The following NCOA2 variants were observed in gnomAD, a reference collection of about 807,000 sequenced individuals.
NCOA2 encodes nuclear receptor coactivator 2, also known as class E basic helix-loop-helix protein 75.
NCOA2 carries 21 observed loss-of-function variants against 145.1 expected under a neutral mutation model. The observed-to-expected ratio is 0.14, with a 90% CI of 0.10 to 0.21. The LOEUF (loss-of-function observed/expected upper bound fraction) is 0.21, where lower values mean the gene tolerates loss of function less well. Ranked by LOEUF, NCOA2 falls within the 10% of genes least tolerant of loss-of-function variation. The pLI is 1.00. For synonymous variants in NCOA2, 619 were observed against 637.5 expected (o/e 0.97, Z 0.44); for missense variants, 1,472 against 1,837.6 (o/e 0.80, Z 3.64).
the NCOA2 span, among the ~76,000 whole-genome samples, chr8:70,428,018 T>A: frequency 6.6e-6 from 1 of 151,994 alleles, no homozygotes; most frequent in African/African-American, 2.4e-5. Flanking sequence ...AAGTCTAAAA[T>A]GTTTAAAATT....
chr8:70,444,014 G>C, the NCOA2 span, among the ~76,000 whole-genome samples: 5 of 152,096 alleles, frequency 3.3e-5, no homozygotes. Flanking sequence ...AATTGTCCTA[G>C]GCATTTATTC....
At chr8:70,196,443 C>T (rs868448558) in intron 4 of NCOA2, among the ~76,000 whole-genome samples, 1 of 152,078 alleles carries the variant, frequency 6.6e-6, no homozygotes, top group Non-Finnish European at 1.5e-5. Flanking sequence ...GGATATACAT[C>T]GGCGATGAAA....
At chr8:70,344,500 T>C (rs572329262) in intron 1 of NCOA2, among the ~76,000 whole-genome samples, 6 of 152,356 alleles carry the variant, frequency 3.9e-5, no homozygotes, top group African/African-American at 1.4e-4. Flanking sequence ...ACAGCCTCTC[T>C]TATGTCTCCA....
chr8:70,266,380 G>C (rs1026022486), intron 2 of NCOA2, among the ~76,000 whole-genome samples: 1 of 152,170 alleles, frequency 6.6e-6, no homozygotes, highest in Non-Finnish European at 1.5e-5. Flanking sequence ...TCACTTGTTA[G>C]CTCCTGGAAT....
intron 1 of NCOA2, among the ~76,000 whole-genome samples, chr8:70,403,200 T>C (rs909849305): frequency 1.4e-4 from 21 of 151,282 alleles, no homozygotes; most frequent in African/African-American, 4.6e-4. Flanking sequence ...GGATTCACCT[T>C]CTCGGCTCTG....
chr8:70,366,212 T>A (rs182251404), intron 1 of NCOA2, among the ~76,000 whole-genome samples: 2 of 152,212 alleles, frequency 1.3e-5, no homozygotes, highest in African/African-American at 4.8e-5. Flanking sequence ...ACAAGGCTCT[T>A]GTGACCACAT....
At chr8:70,217,581 C>T (rs558745936) in intron 2 of NCOA2, among the ~76,000 whole-genome samples, 2 of 152,180 alleles carry the variant, frequency 1.3e-5, no homozygotes, top group East Asian at 3.9e-4. Context: ...TGGGAAGAAC[C>T]ATGATCAGCT....
chr8:70,291,963 C>A (rs1826720834), intron 2 of NCOA2, among the ~76,000 whole-genome samples: 1 of 151,500 alleles, frequency 6.6e-6, no homozygotes. Flanking sequence ...GTAGTCCCAG[C>A]TACTCGGGGG....
At chr8:70,299,743 A>G (rs1010071163) in intron 1 of NCOA2, among the ~76,000 whole-genome samples, 7 of 152,226 alleles carry the variant, frequency 4.6e-5, no homozygotes, top group African/African-American at 1.4e-4. Context: ...TTGGGAAAAC[A>G]GTTTGGAAGT....
chr8:70,320,370 T>C (rs1805945758), intron 1 of NCOA2, among the ~76,000 whole-genome samples: 1 of 152,118 alleles, frequency 6.6e-6, no homozygotes, highest in Admixed American at 6.5e-5. Context: ...GTTTTCTCTA[T>C]AAATTAAAAT....
chr8:70,145,208 A>G lies in NCOA2; in HGVS notation c.2606-360T>C, dbSNP rs145671371. On this transcript the variant is annotated intron_variant, in intron 12 of 22. Transcript: ENST00000452400. Reference sequence around the variant, plus strand: ...GTTTCGCTCTTGTTGCCCAAGCTAGAGTGCAATGGCACGATCTCGGCTCAT... The same window carrying G: ...GTTTCGCTCTTGTTGCCCAAGCTAGGGTGCAATGGCACGATCTCGGCTCAT... Among the ~76,000 whole-genome samples the G allele has an allele frequency of 9.8e-4, 149 of 152,334 alleles. 1 individual carries two copies. Among genetic ancestry groups the G allele is most frequent in the South Asian group, 2.5e-3 (12 of 4,832 alleles).
intron 6 of NCOA2, among the ~76,000 whole-genome samples, chr8:70,169,840 A>C (rs2132618084): frequency 6.6e-6 from 1 of 152,302 alleles, no homozygotes; most frequent in Non-Finnish European, 1.5e-5. Context: ...ATTTTCATGA[A>C]TCTGAATCAA....
chr8:70,441,780 A>T, the NCOA2 span, among the ~76,000 whole-genome samples: 1 of 37,670 alleles, frequency 2.7e-5, no homozygotes, highest in Admixed American at 3.7e-4. Context: ...GAAAAGAAAG[A>T]AGAGAAAGAA....
At chr8:70,367,953 T>C (rs1167829622) in intron 1 of NCOA2, among the ~76,000 whole-genome samples, 1 of 152,204 alleles carries the variant, frequency 6.6e-6, no homozygotes, top group Admixed American at 6.5e-5. Context: ...TAAAATACTG[T>C]TACATAGAAG....
intron 21 of NCOA2, among the ~76,000 whole-genome samples, chr8:70,123,110 C>CTCAAA (rs1263624147): frequency 1.3e-5 from 2 of 152,186 alleles, no homozygotes; most frequent in Non-Finnish European, 2.9e-5. Context: ...CTACTGCTAT[C>CTCAAA]TCAAATGCTT....
chr8:70,198,300 A>C (rs1179691084), intron 4 of NCOA2, among the ~76,000 whole-genome samples: 1 of 152,196 alleles, frequency 6.6e-6, no homozygotes, highest in Non-Finnish European at 1.5e-5. Context: ...TTTGATCTAA[A>C]AGTGGCACAC....
rs149793404 is a variant in NCOA2 at position 70,164,802 on chromosome 8, T to C, written c.731-1236A>G. 6.4e-3 allele frequency among the ~76,000 whole-genome samples: 974 copies of C among 151,750 alleles called. 17 individuals carry two copies. Among genetic ancestry groups the C allele is most frequent in the Non-Finnish European group, 7.2e-3 (489 of 67,954 alleles). On this transcript the variant is annotated intron_variant, in intron 7 of 22. Coordinates refer to ENST00000452400, the MANE Select transcript of NCOA2 (RefSeq NM_006540.4). ...AGTCCTCAAGAAAATAACAACTAAA[T>C]TTTTGGGCACTACGAGATAAACACC...
chr8:70,406,405 A>G (rs900551179), upstream of NCOA2, among the ~76,000 whole-genome samples: 14 of 152,204 alleles, frequency 9.2e-5, no homozygotes, highest in Non-Finnish European at 1.9e-4. Flanking sequence ...AAGGTAGAGG[A>G]GGCGGTAAAT....
At chr8:70,274,482 A>G (rs1447718313) in intron 2 of NCOA2, among the ~76,000 whole-genome samples, 1 of 152,190 alleles carries the variant, frequency 6.6e-6, no homozygotes, top group Non-Finnish European at 1.5e-5. Flanking sequence ...AGTAGGGTCA[A>G]AAATTTACAG....
Sources: allele counts gnomAD v4.1 joint callset (sites outside exome capture counted in the v4.1 genomes callset), GRCh38; gene constraint gnomAD v4.1.1; transcripts MANE v1.5; gene names NCBI Gene and HGNC (gene_info 2026-07-23, HGNC 2026-07-21).